Variants in ABLIM2 observed in about 807,000 individuals in gnomAD.
The protein encoded by ABLIM2 is actin-binding LIM protein 2.
Under a neutral mutation model 97.7 loss-of-function variants are expected in ABLIM2, and 53 were observed. The observed-to-expected ratio is 0.54, with a 90% CI of 0.44 to 0.68. ABLIM2 has a LOEUF of 0.68. Among genes scored for constraint, ABLIM2 ranks in the 30% least tolerant of loss-of-function variants. The pLI is 0.00. For missense variants in ABLIM2, 835 were observed against 867.2 expected (o/e 0.96, Z 0.47); for synonymous variants, 361 against 345.8 (o/e 1.04, Z -0.49).
rs1846560715 is a variant in ABLIM2, at chr4:8,123,769, G to A, written c.11-17132C>T. Among the ~76,000 whole-genome samples, 1 of 152,214 alleles carries A rather than the reference G, an allele frequency of 6.6e-6. No individual in the cohort carries two copies. Among genetic ancestry groups the A allele is most frequent in the East Asian group, 1.9e-4 (1 of 5,176 alleles). On this transcript the variant is annotated intron_variant, in intron 1 of 20. Coordinates refer to ENST00000447017, the MANE Select transcript of ABLIM2 (RefSeq NM_001130083.2). The surrounding 1 kb of genome is among the most constrained non-coding windows in gnomAD (Gnocchi z 6.2). ...GGCAGGCAGGGGTGTGCCGGCATTGGGTCACACAGCCCAACTGGGGTGACA... is the reference window on the plus strand; with the variant it reads ...GGCAGGCAGGGGTGTGCCGGCATTGAGTCACACAGCCCAACTGGGGTGACA...
At chr4:8,099,113 C>A (rs564870641) in intron 2 of ABLIM2, among the ~76,000 whole-genome samples, 2 of 152,358 alleles carry the variant, frequency 1.3e-5, no homozygotes, top group South Asian at 4.1e-4. Flanking sequence ...GCACTCCATG[C>A]TCTGGCTCAT....
Position 8,004,122 on chromosome 4 carries a change from C to CTGCAGGGA in ABLIM2, c.1618+3936_1618+3937insTCCCTGCA, listed in dbSNP as rs559004636. Among the ~76,000 whole-genome samples, 13 of 151,660 alleles carry CTGCAGGGA rather than the reference C, an allele frequency of 8.6e-5. No homozygotes were observed. Among genetic ancestry groups the CTGCAGGGA allele is most frequent in the Non-Finnish European group, 1.9e-4 (13 of 67,976 alleles). On this transcript the variant is annotated intron_variant, in intron 16 of 20. Coordinates refer to ENST00000447017, the MANE Select transcript of ABLIM2 (RefSeq NM_001130083.2). The surrounding 1 kb of genome is among the most constrained non-coding windows in gnomAD (Gnocchi z 5.9). The stretch of plus-strand genomic sequence containing the variant: ...GGTCCCCACCCACCACCTTCCCTTC[C>CTGCAGGGA]ACAGAAAAGCTGCAGCAGGGTCGCT...
At chr4:8,020,433 T>C (rs1260297855) in intron 12 of ABLIM2, 130 bp from the exon 13 acceptor site, 1 of 828,860 alleles carries the variant, frequency 1.2e-6, no homozygotes, top group Non-Finnish European at 2.0e-6. Flanking sequence ...CCAGATCCCC[T>C]GCCCAGGGGA....
chr4:8,020,136 G>T (rs1772489581), intron 13 of ABLIM2, 66 bp downstream of exon 13: 14 of 1,453,168 alleles, frequency 9.6e-6, no homozygotes, highest in Non-Finnish European at 1.3e-5. Context: ...GACAGTTTGG[G>T]TGTGGCCAGT....
rs1173995001 is a variant in ABLIM2, at chr4:8,004,303, G to T, written c.1618+3756C>A. On this transcript the variant is annotated intron_variant, in intron 16 of 20. Coordinates refer to ENST00000447017, the MANE Select transcript of ABLIM2 (RefSeq NM_001130083.2). The surrounding 1 kb of genome is among the most constrained non-coding windows in gnomAD (Gnocchi z 5.9). ...AATGCCAAGCCACAGGCAGGTTGGG[G>T]GTGAAGTGCCCCCAACTGGGGCCTC... Among the ~76,000 whole-genome samples the T allele has an allele frequency of 6.6e-6, 1 of 152,042 alleles. No homozygotes were observed. The highest frequency in any genetic ancestry group is 1.5e-5 in the Non-Finnish European group (1 of 68,022).
intron 20 of ABLIM2, among the ~76,000 whole-genome samples, chr4:7,979,985 A>G (rs1448382426): frequency 6.6e-6 from 1 of 152,234 alleles, no homozygotes; most frequent in Non-Finnish European, 1.5e-5. Flanking sequence ...CAGCACAGAA[A>G]AAGCACAGTC....
Position 8,047,808 on chromosome 4 carries a change from C to T in ABLIM2, c.823-2567G>A, listed in dbSNP as rs1453723346. ...GATCAGGGATGAGGCACGTGAGGTG[C>T]TTAGCACTGAAAAATTCTCCCCACT... On this transcript the variant is annotated intron_variant, in intron 8 of 20. Transcript: ENST00000447017. Among the ~76,000 whole-genome samples the T allele has an allele frequency of 2.0e-5, 3 of 152,374 alleles. No individual in the cohort carries two copies. The South Asian group carries it at 6.2e-4, about 32-fold the overall frequency.
chr4:7,974,282 C>T (rs1454275774), intron 20 of ABLIM2, among the ~76,000 whole-genome samples: 1 of 148,940 alleles, frequency 6.7e-6, no homozygotes, highest in Admixed American at 6.7e-5. Flanking sequence ...CATCCACCCA[C>T]CTGCCCACCT....
chr4:7,984,196 T>TTTCA (rs1006943926), intron 18 of ABLIM2, among the ~76,000 whole-genome samples: 8 of 152,006 alleles, frequency 5.3e-5, no homozygotes, highest in African/African-American at 1.7e-4. Context: ...GGTCCCTGAG[T>TTTCA]TTCACCACTT....
chr4:8,055,713 G>A (rs1050721455), intron 7 of ABLIM2, among the ~76,000 whole-genome samples: 5 of 152,210 alleles, frequency 3.3e-5, no homozygotes, highest in African/African-American at 1.2e-4. Flanking sequence ...CGTTTCTAGG[G>A]ACATAGCAGC....
At chr4:7,984,955 A>G in intron 17 of ABLIM2, 62 bp from the exon 18 acceptor site, 1 of 1,552,482 alleles carries the variant, frequency 6.4e-7, no homozygotes, top group Non-Finnish European at 8.8e-7. Flanking sequence ...GTGGATGGGC[A>G]GGGACCAGGA....
intron 8 of ABLIM2, among the ~76,000 whole-genome samples, chr4:8,052,721 G>C (rs1400737846): frequency 6.6e-6 from 1 of 152,236 alleles, no homozygotes; most frequent in South Asian, 2.1e-4. Flanking sequence ...TGGGCATCCT[G>C]CAGCTTCGCT....
At chr4:8,116,752 C>G (rs1307423894) in intron 1 of ABLIM2, among the ~76,000 whole-genome samples, 4 of 152,152 alleles carry the variant, frequency 2.6e-5, no homozygotes, top group African/African-American at 9.7e-5. Context: ...GGTCTTCACT[C>G]TCTGGAAGGT....
intron 9 of ABLIM2, among the ~76,000 whole-genome samples, chr4:8,039,217 G>A (rs1334802009): frequency 6.6e-6 from 1 of 152,186 alleles, no homozygotes; most frequent in Non-Finnish European, 1.5e-5. Flanking sequence ...TGAACTCTCA[G>A]CCAGATGCCT....
chr4:8,093,199 GAATAATCAATATTTTGTA>G (rs1317282725), intron 3 of ABLIM2, among the ~76,000 whole-genome samples: 1 of 152,264 alleles, frequency 6.6e-6, no homozygotes, highest in South Asian at 2.1e-4. Flanking sequence ...ATTGAGTTGT[GAATAATCAATATTTTGTA>G]AATAATCAAT....
chr4:7,974,402 CCCAT>C (rs1157511089), intron 20 of ABLIM2, among the ~76,000 whole-genome samples: 4 of 140,542 alleles, frequency 2.8e-5, no homozygotes, highest in Non-Finnish European at 6.2e-5. Flanking sequence ...CATCCATCCA[CCCAT>C]CCATCCACCA....
In ABLIM2 at chr4:8,003,476, T is replaced by C. The variant is rs1361951394; in HGVS notation, c.1618+4583A>G. ...GCCAGCGGAAAGTCACACGGTCCCA[T>C]GTCAGAAGTTGGGGACTGCCTGAAT... On this transcript the variant is annotated intron_variant, in intron 16 of 20. Coordinates refer to ENST00000447017, the MANE Select transcript of ABLIM2 (RefSeq NM_001130083.2). The surrounding 1 kb of genome is among the most constrained non-coding windows in gnomAD (Gnocchi z 4.2). Among the ~76,000 whole-genome samples, 1 of 152,074 alleles carries C rather than the reference T, an allele frequency of 6.6e-6. No homozygotes were observed. Among genetic ancestry groups the C allele is most frequent in the Non-Finnish European group, 1.5e-5 (1 of 68,016 alleles).
chr4:8,127,796 A>T lies in ABLIM2; in HGVS notation c.11-21159T>A. 1 of 861,070 alleles carries T rather than the reference A, an allele frequency of 1.2e-6. No homozygotes were observed. Among genetic ancestry groups the T allele is most frequent in the Non-Finnish European group, 1.4e-6 (1 of 718,290 alleles). The allele number at this position is 861,070 out of a possible 1,614,324, so 53.3% of individuals were successfully genotyped here. The stretch of plus-strand genomic sequence containing the variant: ...AGACTCCCGCCACACTATGCGCCAG[A>T]GACACACCTGTCTCCCAGGCATCCG... On this transcript the variant is annotated intron_variant, in intron 1 of 20. Transcript: ENST00000447017. The surrounding 1 kb of genome is among the most constrained non-coding windows in gnomAD (Gnocchi z 7.3).
intron 1 of ABLIM2, among the ~76,000 whole-genome samples, chr4:8,156,546 G>C (rs1715431879): frequency 1.3e-5 from 2 of 152,250 alleles, no homozygotes; most frequent in Admixed American, 1.3e-4. Context: ...CCCTGTGTCA[G>C]GAACTGAAGA....
Sources: allele counts gnomAD v4.1 joint callset (sites outside exome capture counted in the v4.1 genomes callset), GRCh38; gene constraint gnomAD v4.1.1; non-coding constraint Gnocchi (gnomAD v3.1); transcripts MANE v1.5; gene names NCBI Gene and HGNC (gene_info 2026-07-23, HGNC 2026-07-21).